The following MARCHF1 variants were observed in gnomAD, a reference collection of about 807,000 sequenced individuals.
The protein encoded by MARCHF1 is membrane associated ring-CH-type finger 1, also known as E3 ubiquitin-protein ligase MARCHF1.
A neutral mutation model predicts 54.2 loss-of-function variants in MARCHF1; 40 were observed. The ratio of observed to expected loss-of-function variants is 0.74; its 90% CI spans 0.57 to 0.96. The LOEUF is 0.96. Ranked by LOEUF, MARCHF1 falls within the 40% of genes least tolerant of loss-of-function variation. The pLI, the probability that MARCHF1 is intolerant of heterozygous loss-of-function variation, is 0.00. For synonymous variants in MARCHF1, 236 were observed against 236.3 expected, an observed-to-expected ratio of 1.00 and a Z score of 0.01; for missense variants, 586 against 656.5, an observed-to-expected ratio of 0.89 and a Z score of 1.17.
chr4:163,613,215 G>A, intron 6 of MARCHF1, 99 bp downstream of exon 6: 3 of 1,381,000 alleles, frequency 2.2e-6, no homozygotes, highest in Non-Finnish European at 2.9e-6. Context: ...TATGGACCAT[G>A]TAAAGCAGAA....
intron 4 of MARCHF1, among the ~76,000 whole-genome samples, chr4:163,838,689 T>A (rs1749258433): frequency 6.6e-6 from 1 of 152,122 alleles, no homozygotes; most frequent in Non-Finnish European, 1.5e-5. Context: ...GTTGCTAGGA[T>A]AACTGTATTC....
intron 2 of MARCHF1, among the ~76,000 whole-genome samples, chr4:164,025,816 T>C (rs1013018652): frequency 1.1e-4 from 16 of 151,540 alleles, no homozygotes; most frequent in African/African-American, 3.9e-4. Context: ...ATAAGAAAGA[T>C]TGATAGACTA....
At chr4:164,211,181 A>C (rs1731759212) in intron 1 of MARCHF1, among the ~76,000 whole-genome samples, 1 of 151,868 alleles carries the variant, frequency 6.6e-6, no homozygotes, top group Admixed American at 6.6e-5. Context: ...TGTGTATTTC[A>C]AAAATTGCTA....
At chr4:164,201,156 T>C (rs544571820) in intron 1 of MARCHF1, among the ~76,000 whole-genome samples, 2 of 152,326 alleles carry the variant, frequency 1.3e-5, no homozygotes, top group African/African-American at 2.4e-5. Context: ...TGAAAAGACA[T>C]GTAAGACTTC....
At chr4:164,255,685 A>G (rs1733260422) in intron 1 of MARCHF1, among the ~76,000 whole-genome samples, 1 of 152,136 alleles carries the variant, frequency 6.6e-6, no homozygotes, top group Admixed American at 6.6e-5. Flanking sequence ...AAGTTTTCAA[A>G]TGGACAAAAA....
chr4:163,986,188 T>C (rs1352172526), intron 3 of MARCHF1, among the ~76,000 whole-genome samples: 1 of 150,284 alleles, frequency 6.7e-6, no homozygotes, highest in African/African-American at 2.4e-5. Flanking sequence ...GAACTGTATC[T>C]CTTTTTAGAA....
intron 4 of MARCHF1, among the ~76,000 whole-genome samples, chr4:163,762,258 A>G (rs1384788191): frequency 6.6e-6 from 1 of 152,198 alleles, no homozygotes; most frequent in Non-Finnish European, 1.5e-5. Context: ...ATATGTACGA[A>G]TAATACACTG....
intron 1 of MARCHF1, among the ~76,000 whole-genome samples, chr4:164,217,918 A>G (rs1330534847): frequency 1.3e-5 from 2 of 152,238 alleles, no homozygotes; most frequent in South Asian, 2.1e-4. Context: ...AGAGAGAGAG[A>G]GGGGAAAAAC....
chr4:164,171,758 A>C (rs1730531730), intron 1 of MARCHF1, among the ~76,000 whole-genome samples: 1 of 152,192 alleles, frequency 6.6e-6, no homozygotes, highest in Non-Finnish European at 1.5e-5. Context: ...ATCTCATTGG[A>C]AACTGGGCTG....
At chr4:164,272,429 C>T (rs901842823) in intron 1 of MARCHF1, among the ~76,000 whole-genome samples, 1 of 151,976 alleles carries the variant, frequency 6.6e-6, no homozygotes, top group African/African-American at 2.4e-5. Flanking sequence ...TAATATATAG[C>T]CGTTAAAATA....
intron 1 of MARCHF1, among the ~76,000 whole-genome samples, chr4:164,192,307 C>A (rs916111479): frequency 6.6e-6 from 1 of 151,946 alleles, no homozygotes; most frequent in African/African-American, 2.4e-5. Context: ...TTTACTTTCA[C>A]CTTAGGATTT....
chr4:164,310,932 A>T (rs986936386), intron 1 of MARCHF1, among the ~76,000 whole-genome samples: 1 of 152,176 alleles, frequency 6.6e-6, no homozygotes, highest in African/African-American at 2.4e-5. Context: ...AACAAACTCA[A>T]TTTAGAGAAC....
At chr4:163,688,640 C>T (rs1236522282) in intron 5 of MARCHF1, among the ~76,000 whole-genome samples, 1 of 152,104 alleles carries the variant, frequency 6.6e-6, no homozygotes, top group East Asian at 1.9e-4. Context: ...TTTTAAGATA[C>T]ACCAATTTGG....
At chr4:164,000,526 G>A (rs1007607695) in intron 2 of MARCHF1, among the ~76,000 whole-genome samples, 1 of 151,570 alleles carries the variant, frequency 6.6e-6, no homozygotes, top group Non-Finnish European at 1.5e-5. Context: ...GAGAGACTGA[G>A]AAACTGCAAG....
intron 3 of MARCHF1, among the ~76,000 whole-genome samples, chr4:163,912,630 T>C (rs776386539): frequency 3.9e-5 from 6 of 152,200 alleles, no homozygotes; most frequent in Non-Finnish European, 8.8e-5. Flanking sequence ...TACTCAATTA[T>C]ATGGTGATCC....
chr4:163,757,523 T>C (rs778455708), intron 4 of MARCHF1, among the ~76,000 whole-genome samples: 22 of 152,166 alleles, frequency 1.4e-4, no homozygotes, highest in Non-Finnish European at 2.5e-4. Flanking sequence ...AGGATGCCTG[T>C]TTAGGGAAAG....
At chr4:163,754,325 AT>A (rs1746604318) in intron 4 of MARCHF1, among the ~76,000 whole-genome samples, 1 of 152,210 alleles carries the variant, frequency 6.6e-6, no homozygotes, top group Non-Finnish European at 1.5e-5. Flanking sequence ...CCCCTTTCAG[AT>A]CACTTGAACC....
intron 7 of MARCHF1, among the ~76,000 whole-genome samples, chr4:163,598,792 G>C (rs193155367): frequency 6.6e-6 from 1 of 152,022 alleles, no homozygotes; most frequent in Non-Finnish European, 1.5e-5. Flanking sequence ...CTGTACACTT[G>C]GATACACTCA....
At chr4:164,014,908 G>A (rs1244471151) in intron 2 of MARCHF1, among the ~76,000 whole-genome samples, 2 of 152,106 alleles carry the variant, frequency 1.3e-5, no homozygotes, top group Non-Finnish European at 2.9e-5. Context: ...TAAAGAGAGA[G>A]AGAGATCTCA....
Sources: gnomAD v4.1 joint callset for allele counts (sites outside exome capture counted in the v4.1 genomes callset) on GRCh38, gnomAD v4.1.1 for gene constraint, MANE v1.5 for transcripts, NCBI Gene and HGNC (gene_info 2026-07-23, HGNC 2026-07-21) for gene names.